LARGE1: variants seen among roughly 807,000 people sequenced by gnomAD.
The protein encoded by LARGE1 is LARGE xylosyl- and glucuronyltransferase 1.
In LARGE1, 43 loss-of-function variants were observed where a neutral mutation model predicts 87.6. That is an observed-to-expected ratio of 0.49 (90% CI 0.38 to 0.63). LARGE1 has a LOEUF of 0.63. Ranked by LOEUF, LARGE1 falls within the 30% of genes least tolerant of loss-of-function variation. The pLI is 0.00. For synonymous variants in LARGE1, 434 were observed against 394.6 expected (o/e 1.10, Z -1.18); for missense variants, 802 against 1,000.2 (o/e 0.80, Z 2.67).
At chr22:33,490,126 T>C (rs779925860) in intron 6 of LARGE1, among the ~76,000 whole-genome samples, 3 of 152,266 alleles carry the variant, frequency 2.0e-5, no homozygotes, top group Admixed American at 1.3e-4. Context: ...AACTGGATCA[T>C]TGTAAATTAT....
Position 33,381,974 on chromosome 22 carries a change from T to C in LARGE1, c.1076A>G (p.Gln359Arg). Residue 359 changes from glutamine (Q) to arginine (R), a missense_variant, in exon 9 of 15, where the codon CAG becomes CGG. This residue lies in a region of LARGE1 where 625 missense variants were observed against 841.9 expected (regional missense o/e 0.74). Coordinates refer to ENST00000397394, the MANE Select transcript of LARGE1 (RefSeq NM_133642.5). Reference protein sequence around the residue: ...VYQLPCFWNVQLSDHTRSEQC... With the variant: ...VYQLPCFWNVRLSDHTRSEQC... ...CTCGGAGCGGGTGTGGTCTGACAGC[T>C]GCACATTCCAGAAGCAGGGGAGCTG... The C allele has an allele frequency of 6.2e-7, 1 of 1,614,100 alleles. No individual in the cohort carries two copies. The highest frequency in any genetic ancestry group is 8.5e-7 in the Non-Finnish European group (1 of 1,180,014).
Position 33,293,663 on chromosome 22 carries a change from A to G in LARGE1, c.1731-10315T>C, listed in dbSNP as rs1041748230. Among the ~76,000 whole-genome samples, 4 of 152,210 alleles carry G rather than the reference A, an allele frequency of 2.6e-5. No homozygotes were observed. In the East Asian group the frequency reaches 5.8e-4, roughly 22 times the overall value. On this transcript the variant is annotated intron_variant, in intron 12 of 14. Transcript: ENST00000397394. Reference sequence around the variant, plus strand: ...GCAGGAGGCTACGATCTGTGTACCTATGCTCCTTAAATGCAATCTCATCCA... The same window carrying G: ...GCAGGAGGCTACGATCTGTGTACCTGTGCTCCTTAAATGCAATCTCATCCA...
At chr22:33,126,375 G>A in the LARGE1 span, among the ~76,000 whole-genome samples, 7 of 152,130 alleles carry the variant, frequency 4.6e-5, no homozygotes, top group Non-Finnish European at 1.0e-4. Context: ...TTTGTGTTTT[G>A]GACTAAATGG....
At chr22:33,137,519 G>A in the LARGE1 span, among the ~76,000 whole-genome samples, 1 of 152,184 alleles carries the variant, frequency 6.6e-6, no homozygotes, top group Admixed American at 6.5e-5. Flanking sequence ...GGAAATTCAA[G>A]CTGGCTGCAG....
chr22:33,324,261 C>CAAAAAAAA (rs150205490), intron 10 of LARGE1, among the ~76,000 whole-genome samples: 2 of 94,676 alleles, frequency 2.1e-5, no homozygotes, highest in Non-Finnish European at 3.6e-5. Flanking sequence ...AAAAAAAAGC[C>CAAAAAAAA]AAAAAAACAA....
intron 1 of LARGE1, among the ~76,000 whole-genome samples, chr22:33,918,471 C>A (rs1230946824): frequency 2.6e-5 from 4 of 152,112 alleles, no homozygotes; most frequent in Non-Finnish European, 4.4e-5. Context: ...GGGACAGGCT[C>A]GATAAATGTG....
At chr22:33,340,368 A>G (rs1340008797) in intron 9 of LARGE1, among the ~76,000 whole-genome samples, 1 of 151,846 alleles carries the variant, frequency 6.6e-6, no homozygotes, top group Non-Finnish European at 1.5e-5. Flanking sequence ...GAGCCACATA[A>G]GCTGAACCCT....
At chr22:33,470,549 CA>C (rs1277553837) in intron 6 of LARGE1, among the ~76,000 whole-genome samples, 1 of 152,230 alleles carries the variant, frequency 6.6e-6, no homozygotes, top group African/African-American at 2.4e-5. Context: ...CACACCAGTG[CA>C]TGCTGTCCTG....
intron 1 of LARGE1, among the ~76,000 whole-genome samples, chr22:33,818,426 G>A (rs549455835): frequency 6.6e-6 from 1 of 152,264 alleles, no homozygotes; most frequent in South Asian, 2.1e-4. Context: ...ATATAGGACA[G>A]GGGAAGGAAG....
chr22:33,394,081 CAAA>C (rs66531142), intron 7 of LARGE1, among the ~76,000 whole-genome samples: 2,002 of 109,956 alleles, frequency 0.018, 34 homozygotes, highest in African/African-American at 0.042. Context: ...GTGCAACTGC[CAAA>C]AAAAAAAAAA....
chr22:33,260,545 A>G (rs1442106705), intron 11 of LARGE1, among the ~76,000 whole-genome samples: 3 of 150,068 alleles, frequency 2.0e-5, no homozygotes, highest in Non-Finnish European at 3.0e-5. Context: ...CACAGCGTCT[A>G]TTTCATAGGG....
rs1422346532 is a variant in LARGE1, at chr22:33,920,035, AAC to A, written c.-125_-124del. ...CGCCAGGCAGAGGGAGACACGGAAG[AAC>A]AGGGTGGCGCGGCGGCGCCGCCGCC... On this transcript the variant is annotated 5_prime_UTR_variant, in exon 1 of 15. Transcript: ENST00000397394. 6.6e-6 allele frequency: 1 copy of A among 152,340 alleles called. No homozygotes were observed. The highest frequency in any genetic ancestry group is 1.9e-4 in the East Asian group (1 of 5,148). 9.4% of individuals were successfully genotyped at this position (152,340 alleles called of 1,614,324 possible). A position where few individuals can be genotyped will look rare whatever the true frequency, so the allele number is the denominator to read the frequency against.
At chr22:33,074,129 T>C in the LARGE1 span, among the ~76,000 whole-genome samples, 17 of 152,284 alleles carry the variant, frequency 1.1e-4, no homozygotes, top group Middle Eastern at 3.4e-3. Flanking sequence ...AGCTCAGCAC[T>C]TGTAAATGTC....
intron 1 of LARGE1, among the ~76,000 whole-genome samples, chr22:33,917,666 T>C (rs985638292): frequency 1.3e-5 from 2 of 152,328 alleles, no homozygotes; most frequent in Middle Eastern, 3.4e-3. Context: ...TAGAGCCTTT[T>C]TGTAGTCCTT....
At chr22:33,562,762 A>G (rs1287172091) in intron 6 of LARGE1, among the ~76,000 whole-genome samples, 1 of 152,248 alleles carries the variant, frequency 6.6e-6, no homozygotes, top group East Asian at 1.9e-4. Context: ...GCAAGCTGCA[A>G]GAGAATAAAC....
intron 2 of LARGE1, among the ~76,000 whole-genome samples, chr22:33,659,094 C>T (rs1013879715): frequency 6.6e-6 from 1 of 152,204 alleles, no homozygotes; most frequent in Non-Finnish European, 1.5e-5. Context: ...GGAAGACAGT[C>T]TCCTTCAAAA....
chr22:33,105,728 C>T, the LARGE1 span: 7 of 152,200 alleles, frequency 4.6e-5, no homozygotes, highest in African/African-American at 1.4e-4. Context: ...TGTTTATTGC[C>T]AGGAGCTGTA....
chr22:33,497,097 G>A (rs1191861616), intron 6 of LARGE1, among the ~76,000 whole-genome samples: 7 of 144,676 alleles, frequency 4.8e-5, no homozygotes, highest in Non-Finnish European at 9.0e-5. Context: ...TCTTGGAGAC[G>A]GAGTCTCACT....
chr22:33,647,401 C>T (rs2080652125), intron 3 of LARGE1, among the ~76,000 whole-genome samples: 1 of 152,160 alleles, frequency 6.6e-6, no homozygotes, highest in South Asian at 2.1e-4. Context: ...TTCCAAGATA[C>T]GTTCTTTAAG....
Sources: gnomAD v4.1 joint callset for allele counts (sites outside exome capture counted in the v4.1 genomes callset) on GRCh38, gnomAD v4.1.1 for gene constraint, gnomAD v4.1.1 regional missense constraint, MANE v1.5 for transcripts, NCBI Gene and HGNC (gene_info 2026-07-23, HGNC 2026-07-21) for gene names.